Variants in AFM observed in about 807,000 individuals in gnomAD.
The protein encoded by AFM is afamin.
Under a neutral mutation model 68.7 loss-of-function variants are expected in AFM, and 82 were observed. That is an observed-to-expected ratio of 1.19 (90% confidence interval 1.00 to 1.43). AFM has a LOEUF of 1.43. AFM is among the 40% of genes most tolerant of loss of function. The pLI, the probability that AFM is intolerant of heterozygous loss-of-function variation, is 0.00. For synonymous variants in AFM, 250 were observed against 234.2 expected (o/e 1.07, Z -0.61); for missense variants, 772 against 701.8 (o/e 1.10, Z -1.13).
At chr4:73,502,102 T>A (rs936802631) in intron 13 of AFM, among the ~76,000 whole-genome samples, 183 bp downstream of exon 13, 1 of 152,198 alleles carries the variant, frequency 6.6e-6, no homozygotes, top group African/African-American at 2.4e-5. Flanking sequence ...GTCTCCTTAG[T>A]ACAGAAAAAG....
chr4:73,485,877 G>A lies in AFM; in HGVS notation c.286G>A (p.Glu96Lys). 1 of 1,613,766 alleles carries A rather than the reference G, an allele frequency of 6.2e-7. No homozygotes were observed. Among genetic ancestry groups the A allele is most frequent in the Non-Finnish European group, 8.5e-7 (1 of 1,179,816 alleles). Residue 96 changes from glutamate to lysine, a missense_variant, in exon 4 of 15, where the codon GAA (glutamate) becomes AAA (lysine). Physicochemically the swap from Glu to Lys is moderately conservative, Grantham distance 56. Coordinates refer to ENST00000226355, the MANE Select transcript of AFM (RefSeq NM_001133.2). ...TGTTGTATAGAATAATGTTTTACAG[G>A]AAAAAATATGTGCTATGGAGGGGCT... is the stretch of plus-strand genomic sequence containing the variant. ...CSKLPNNVLQ[E>K]KICAMEGLPQ...
chr4:73,484,472 T>TTC (rs747012007), intron 3 of AFM, 82 bp downstream of exon 3: 2 of 570,396 alleles, frequency 3.5e-6, no homozygotes, highest in African/African-American at 4.1e-5. Context: ...CTTTCTTTCT[T>TTC]TCTTTCTTTC....
At position 73,485,883 on chromosome 4, in the gene AFM, A is replaced by G; in HGVS notation, c.292A>G (p.Ile98Val). 1 of 1,614,014 alleles carries G rather than the reference A, an allele frequency of 6.2e-7. No homozygotes were observed. Among genetic ancestry groups the G allele is most frequent in the East Asian group, 2.2e-5 (1 of 44,880 alleles). Residue 98 changes from isoleucine (I) to valine (V), a missense_variant, in exon 4 of 15, where the codon ATA (isoleucine) becomes GTA (valine). Physicochemically the swap from Ile to Val is conservative, Grantham distance 29 (BLOSUM62 3). Transcript: ENST00000226355. Reference sequence around the variant, plus strand: ...ATAGAATAATGTTTTACAGGAAAAAATATGTGCTATGGAGGGGCTGCCACA... The same window carrying G: ...ATAGAATAATGTTTTACAGGAAAAAGTATGTGCTATGGAGGGGCTGCCACA... Reference protein sequence around the residue: ...KLPNNVLQEKICAMEGLPQKH... With the variant: ...KLPNNVLQEKVCAMEGLPQKH...
At chr4:73,498,461 T>G (rs995942788) in intron 10 of AFM, among the ~76,000 whole-genome samples, 3 of 152,104 alleles carry the variant, frequency 2.0e-5, no homozygotes, top group African/African-American at 7.2e-5. Flanking sequence ...GATGTTTGTA[T>G]TTTTTGGTAG....
intron 14 of AFM, 59 bp downstream of exon 14, chr4:73,503,169 G>T: frequency 7.6e-7 from 1 of 1,319,020 alleles, no homozygotes; most frequent in Non-Finnish European, 1.1e-6. Context: ...TGATCTCCTT[G>T]CCTTTTCTCC....
In AFM at chr4:73,497,684, C is replaced by T; in HGVS notation, c.1224C>T (p.Ser408=). 1 of 1,609,286 alleles carries T rather than the reference C, an allele frequency of 6.2e-7. No homozygotes were observed. Among genetic ancestry groups the T allele is most frequent in the East Asian group, 2.2e-5 (1 of 44,522 alleles). ...AATTCAATGAGACAACTGAGAAAAG[C>T]CTCAAGATGGTACAACAAGAATGTA... ...EDKFNETTEK[S]LKMVQQECKH... Residue 408 remains serine (S), a synonymous_variant, in exon 10 of 15, where the codon AGC becomes AGT. Transcript: ENST00000226355.
Position 73,492,089 on chromosome 4 carries a change from A to C in AFM, c.1058+3A>C. 1 of 1,595,858 alleles carries C rather than the reference A, an allele frequency of 6.3e-7. No individual in the cohort carries two copies. Among genetic ancestry groups the C allele is most frequent in the Non-Finnish European group, 8.5e-7 (1 of 1,174,184 alleles). On this transcript the variant is annotated splice_donor_region_variant and intron_variant, in intron 8 of 14. Coordinates refer to ENST00000226355, the MANE Select transcript of AFM (RefSeq NM_001133.2). ...GACCCAGACACCTTCTTTGCGAAGT[A>C]ATATAACTCTTTATTGAATTTATAA... is the stretch of plus-strand genomic sequence containing the variant.
Position 73,481,934 on chromosome 4 carries a change from T to C in AFM, c.88+71T>C, listed in dbSNP as rs1000456895. On this transcript the variant is annotated intron_variant, in intron 1 of 14. Transcript: ENST00000226355. ...TAATTTCTATTTTTAAAATTTTGTT[T>C]TCTTTCAAGTTAATTCTTTACTTGC... The C allele has an allele frequency of 4.5e-6, 5 of 1,117,912 alleles. No homozygotes were observed. In the South Asian group the frequency reaches 7.3e-5, roughly 16 times the overall value. 69.2% of individuals were successfully genotyped at this position (1,117,912 alleles called of 1,614,324 possible). A position where few individuals can be genotyped will look rare whatever the true frequency, so the allele number is the denominator to read the frequency against.
In AFM at chr4:73,492,009, T is replaced by A. The variant is rs1296024492; in HGVS notation, c.981T>A (p.Ser327=). 8.7e-6 allele frequency: 14 copies of A among 1,613,574 alleles called. No individual in the cohort carries two copies. The South Asian group carries it at 1.2e-4, about 14-fold the overall frequency. ...AAGATGATAGACCAAAGGATTTATC[T>A]CTAAGAGAAGGAAAATTTACTGACA... ...SNKDDRPKDL[S]LREGKFTDSE... Residue 327 remains serine, a synonymous_variant, in exon 8 of 15, where the codon TCT becomes TCA. Transcript: ENST00000226355.
At chr4:73,502,534 A>G (rs1034111613) in intron 13 of AFM, among the ~76,000 whole-genome samples, 2 of 152,160 alleles carry the variant, frequency 1.3e-5, no homozygotes, top group African/African-American at 4.8e-5. Context: ...GCAACCTGTG[A>G]ATGTTAGCCC....
At position 73,486,088 on chromosome 4, in the gene AFM, A is replaced by G; in HGVS notation, c.482+15A>G. ...CTTTTAAATCAGTAAGTTTAATCTT[A>G]GTAAAAAATGATCCAGTTGAAGAAT... On this transcript the variant is annotated intron_variant, in intron 4 of 14. Coordinates refer to ENST00000226355, the MANE Select transcript of AFM (RefSeq NM_001133.2). The G allele has an allele frequency of 5.6e-6, 9 of 1,597,598 alleles. No individual in the cohort carries two copies. Among genetic ancestry groups the G allele is most frequent in the South Asian group, 1.1e-5 (1 of 90,224 alleles).
intron 7 of AFM, among the ~76,000 whole-genome samples, chr4:73,489,400 T>C (rs1721005974): frequency 1.3e-5 from 2 of 152,160 alleles, no homozygotes; most frequent in South Asian, 2.1e-4. Context: ...ATATAACATG[T>C]TATATATGCA....
Position 73,499,228 on chromosome 4 carries a change from T to C in AFM, c.1404T>C (p.Phe468=). 6.2e-7 allele frequency: 1 copy of C among 1,610,500 alleles called. No individual in the cohort carries two copies. The highest frequency in any genetic ancestry group is 8.5e-7 in the Non-Finnish European group (1 of 1,177,900). The change falls in exon 11 of 15, where the codon TTT becomes TTC. Residue 468 remains phenylalanine (F), a synonymous_variant. Transcript: ENST00000226355. ...FTTCCTLSEE[F]ACVDNLADLV... ...CTTGCTGTACGCTAAGTGAAGAGTT[T>C]GCCTGTGTTGATAATTTGGTGAGCA...
Position 73,489,650 on chromosome 4 carries a change from A to G in AFM, c.843+891A>G, listed in dbSNP as rs549672656. Among the ~76,000 whole-genome samples the G allele has an allele frequency of 3.9e-5, 6 of 152,314 alleles. No individual in the cohort carries two copies. The South Asian group carries it at 8.3e-4, about 21-fold the overall frequency. On this transcript the variant is annotated intron_variant, in intron 7 of 14. Coordinates refer to ENST00000226355, the MANE Select transcript of AFM (RefSeq NM_001133.2). ...GTGTCCTTTAACCAACATCTCCCCAATTCCCAGCCTCTAGAAATCTTTAAA... is the reference window on the plus strand; with the variant it reads ...GTGTCCTTTAACCAACATCTCCCCAGTTCCCAGCCTCTAGAAATCTTTAAA...
intron 11 of AFM, among the ~76,000 whole-genome samples, chr4:73,499,709 C>A (rs552365968): frequency 6.6e-6 from 1 of 152,162 alleles, no homozygotes; most frequent in South Asian, 2.1e-4. Context: ...GTTTGATCGC[C>A]CCTTTCAGTT....
chr4:73,483,509 G>A (rs1189368831), intron 1 of AFM, among the ~76,000 whole-genome samples: 2 of 152,234 alleles, frequency 1.3e-5, no homozygotes, highest in Non-Finnish European at 2.9e-5. Context: ...CTGTGACTGA[G>A]TAGCGCTAAA....
At chr4:73,495,207 G>A in intron 8 of AFM, 93 bp from the exon 9 acceptor site, 1 of 1,173,358 alleles carries the variant, frequency 8.5e-7, no homozygotes, top group Non-Finnish European at 1.2e-6. Context: ...TGAAAGCAGA[G>A]TCAGTATTAG....
chr4:73,488,599 T>G, intron 6 of AFM, 31 bp from the exon 7 acceptor site: 1 of 1,588,414 alleles, frequency 6.3e-7, no homozygotes, highest in Non-Finnish European at 8.6e-7. Context: ...CTGTTCAAAT[T>G]ATTTTTGTGG....
intron 9 of AFM, among the ~76,000 whole-genome samples, chr4:73,496,336 T>C (rs1332363533): frequency 6.6e-6 from 1 of 152,222 alleles, no homozygotes; most frequent in African/African-American, 2.4e-5. Context: ...ACTGTGTGTT[T>C]GACATTTTGG....
Sources: gnomAD v4.1 joint callset for allele counts (sites outside exome capture counted in the v4.1 genomes callset) on GRCh38, gnomAD v4.1.1 for gene constraint, MANE v1.5 for transcripts, NCBI Gene and HGNC (gene_info 2026-07-23, HGNC 2026-07-21) for gene names.